Variants in SCUBE2 observed in about 807,000 individuals in gnomAD.
SCUBE2 encodes the protein signal peptide, CUB and EGF-like domain-containing protein 2.
Under a neutral mutation model 125.9 loss-of-function variants are expected in SCUBE2, and 114 were observed. The ratio of observed to expected loss-of-function variants is 0.91; its 90% confidence interval spans 0.78 to 1.06. SCUBE2 has a LOEUF of 1.06. Among genes scored for constraint, SCUBE2 ranks in the 50% least tolerant of loss-of-function variants. The probability of loss-of-function intolerance (pLI) is 0.00; values close to 1 mark genes in which losing one functional copy is unlikely to be tolerated. For synonymous variants in SCUBE2, 459 were observed against 492.9 expected (o/e 0.93, Z 0.91); for missense variants, 1,255 against 1,301.8 (o/e 0.96, Z 0.55).
At chr11:9,053,990 C>CTTTT (rs11474890) in intron 10 of SCUBE2, among the ~76,000 whole-genome samples, 13 of 75,052 alleles carry the variant, frequency 1.7e-4, no homozygotes, top group African/African-American at 5.6e-4. Flanking sequence ...AAGCTCCACT[C>CTTTT]TTTTTTTTTT....
chr11:9,043,731 A>G (rs768622390), intron 16 of SCUBE2, among the ~76,000 whole-genome samples: 5 of 152,222 alleles, frequency 3.3e-5, no homozygotes, highest in Non-Finnish European at 5.9e-5. Flanking sequence ...CAGAAGAAGG[A>G]ATCCAAATGA....
At chr11:9,029,501 G>GC (rs1390644849) in intron 19 of SCUBE2, among the ~76,000 whole-genome samples, 1 of 152,194 alleles carries the variant, frequency 6.6e-6, no homozygotes, top group Non-Finnish European at 1.5e-5. Context: ...CTCACTGCCT[G>GC]AGCTCCTTGC....
At chr11:9,030,257 G>A in intron 18 of SCUBE2, 1 of 589,436 alleles carries the variant, frequency 1.7e-6, no homozygotes, top group East Asian at 2.9e-5. Flanking sequence ...AACAAGATAT[G>A]TGTGTATCTC....
Position 9,027,401 on chromosome 11 carries a change from C to A in SCUBE2, c.2664G>T (p.Glu888Asp). 6.2e-7 allele frequency: 1 copy of A among 1,614,042 alleles called. No homozygotes were observed. Among genetic ancestry groups the A allele is most frequent in the Non-Finnish European group, 8.5e-7 (1 of 1,180,012 alleles). Residue 888 changes from glutamate (E) to aspartate (D), a missense_variant, in exon 20 of 23, where the codon GAG becomes GAT. By Grantham distance (45) the Glu-to-Asp change is conservative. Coordinates refer to ENST00000649792, the MANE Select transcript of SCUBE2 (RefSeq NM_001367977.2). ...TCACCAGATAGTCCCCACAGTCGTC[C>A]TCTATGGGCAGGAAGATCTCAGGGA... is the stretch of plus-strand genomic sequence containing the variant. ...IVVPEIFLPIEDDCGDYLVMR... is the reference protein window; with the variant it reads ...IVVPEIFLPIDDDCGDYLVMR...
chr11:9,025,642 C>T lies in SCUBE2; in HGVS notation c.2854+60G>A, dbSNP rs1855660162. ...CTTGTCAGCAGTTTGCCAGCTGGCT[C>T]CGAAGTTGGCTCTGTTCAAAGCAGA... On this transcript the variant is annotated intron_variant, in intron 21 of 22. Coordinates refer to ENST00000649792, the MANE Select transcript of SCUBE2 (RefSeq NM_001367977.2). 5 of 1,572,674 alleles carry T rather than the reference C, an allele frequency of 3.2e-6. No individual in the cohort carries two copies. The East Asian group carries it at 1.1e-4, about 36-fold the overall frequency.
At chr11:9,075,770 C>T (rs968536631) in intron 3 of SCUBE2, among the ~76,000 whole-genome samples, 7 of 152,210 alleles carry the variant, frequency 4.6e-5, no homozygotes, top group East Asian at 3.8e-4. Context: ...GCGCTAGTGG[C>T]GACAGCACTG....
In SCUBE2 at chr11:9,045,602, GACAGACAGAC is replaced by G. The variant is rs58950627; in HGVS notation, c.2002+1744_2002+1753del. Among the ~76,000 whole-genome samples the G allele has an allele frequency of 8.4e-3, 633 of 75,410 alleles. 2 individuals are homozygous for G. Among genetic ancestry groups the G allele is most frequent in the Middle Eastern group, 0.01 (2 of 196 alleles). The allele number at this position is 75,410 out of a possible 152,430, so 49.5% of individuals were successfully genotyped here. A position where few individuals can be genotyped will look rare whatever the true frequency, so the allele number is the denominator to read the frequency against. ...TCAAATAGACCAGGACTAGAAGACA[GACAGACAGAC>G]ACACACACACACACACACACACACA... On this transcript the variant is annotated intron_variant, in intron 16 of 22. Coordinates refer to ENST00000649792, the MANE Select transcript of SCUBE2 (RefSeq NM_001367977.2).
At chr11:9,057,508 T>G (rs1859193225) in intron 9 of SCUBE2, 1 of 151,068 alleles carries the variant, frequency 6.6e-6, no homozygotes, top group African/African-American at 2.4e-5. Flanking sequence ...TGATTTTTAT[T>G]TAATTCTGAT....
In SCUBE2 at chr11:9,021,871, C is replaced by A. The variant is rs1855321921; in HGVS notation, c.2934+5G>T. On this transcript the variant is annotated splice_donor_5th_base_variant and intron_variant, in intron 22 of 22. Coordinates refer to ENST00000649792, the MANE Select transcript of SCUBE2 (RefSeq NM_001367977.2). ...CTGCCATGTCCACCTGAGCCAGGCA[C>A]TCACCTTAAGTATTTCCTGATGGTT... 1 of 1,610,128 alleles carries A rather than the reference C, an allele frequency of 6.2e-7. No individual in the cohort carries two copies. Among genetic ancestry groups the A allele is most frequent in the Admixed American group, 1.7e-5 (1 of 60,000 alleles).
chr11:9,060,621 T>C, intron 7 of SCUBE2, 97 bp from the exon 8 acceptor site: 6 of 945,980 alleles, frequency 6.3e-6, no homozygotes, highest in Non-Finnish European at 1.0e-5. Context: ...GGGGTACTCA[T>C]GGTCATACCC....
chr11:9,070,149 CAGAGAG>C (rs1161350287), intron 4 of SCUBE2, among the ~76,000 whole-genome samples: 1 of 139,828 alleles, frequency 7.2e-6, no homozygotes, highest in African/African-American at 3.3e-5. Context: ...AGAGAAGAGA[CAGAGAG>C]AGAGAGAAGA....
At chr11:9,079,951 A>C (rs1244542832) in intron 2 of SCUBE2, among the ~76,000 whole-genome samples, 8 of 152,258 alleles carry the variant, frequency 5.3e-5, no homozygotes. Flanking sequence ...AGAACTTGAC[A>C]AGCTTATTGT....
In SCUBE2 at chr11:9,030,921, C is replaced by G. The variant is rs546015058; in HGVS notation, c.2178G>C (p.Leu726=). The change falls in exon 18 of 23, where the codon CTG becomes CTC. Residue 726 remains leucine (L), a synonymous_variant. Transcript: ENST00000649792. ...CTGCAGAATATTCACCAGGTTGACACAGACCTGGAAGGACCAATAGCCTTA... is the reference window on the plus strand; with the variant it reads ...CTGCAGAATATTCACCAGGTTGACAGAGACCTGGAAGGACCAATAGCCTTA... The part of the protein sequence containing the change: ...EAWNMSECGG[L]CQPGEYSADG... 3 of 1,613,480 alleles carry G rather than the reference C, an allele frequency of 1.9e-6. No individual in the cohort carries two copies. The East Asian group carries it at 6.7e-5, about 36-fold the overall frequency.
intron 5 of SCUBE2, among the ~76,000 whole-genome samples, 187 bp downstream of exon 5, chr11:9,069,183 T>C (rs1860535349): frequency 6.6e-6 from 1 of 152,222 alleles, no homozygotes; most frequent in Admixed American, 6.5e-5. Flanking sequence ...AAAATATCAT[T>C]TCCCTTCCCT....
chr11:9,033,887 C>G (rs1856533890), intron 16 of SCUBE2, 91 bp from the exon 17 acceptor site: 1 of 1,279,956 alleles, frequency 7.8e-7, no homozygotes, highest in African/African-American at 1.5e-5. Flanking sequence ...ATAGATGGCA[C>G]TGACCACACC....
intron 3 of SCUBE2, among the ~76,000 whole-genome samples, chr11:9,076,864 AC>A (rs1179152447): frequency 6.6e-6 from 1 of 152,160 alleles, no homozygotes; most frequent in African/African-American, 2.4e-5. Flanking sequence ...TGAAGGAAGC[AC>A]ATTCCAGAGG....
Position 9,048,101 on chromosome 11 carries a change from G to C in SCUBE2, c.1640-3C>G. The C allele has an allele frequency of 6.3e-7, 1 of 1,598,398 alleles. No homozygotes were observed. Among genetic ancestry groups the C allele is most frequent in the Non-Finnish European group, 8.5e-7 (1 of 1,172,648 alleles). On this transcript the variant is annotated splice_polypyrimidine_tract_variant and splice_region_variant and intron_variant, in intron 14 of 22. Transcript: ENST00000649792. ...CTCTTTTACTGAGCTGTGCTTCTCT[G>C]TATGAAGAAACAAAATTATCGGAAG...
rs1338812253 is a variant in SCUBE2 at position 9,057,581 on chromosome 11, T to C, written c.1091-1672A>G. 2.0e-5 allele frequency: 3 copies of C among 149,042 alleles called. No individual in the cohort carries two copies. In the East Asian group the frequency reaches 6.0e-4, roughly 30 times the overall value. The allele number at this position is 149,042 out of a possible 1,614,324, so 9.2% of individuals were successfully genotyped here. On this transcript the variant is annotated intron_variant, in intron 9 of 22. Coordinates refer to ENST00000649792, the MANE Select transcript of SCUBE2 (RefSeq NM_001367977.2). ...TCCCCCAGGCTGGAGTGCGTGGGCA[T>C]GATCTCGACTTACTGCAACCTCTGC...
intron 2 of SCUBE2, among the ~76,000 whole-genome samples, chr11:9,083,177 G>T (rs138744482): frequency 1.2e-3 from 189 of 151,960 alleles, no homozygotes; most frequent in Middle Eastern, 6.8e-3. Flanking sequence ...TAAGGGAAAT[G>T]CATGGAAGGA....
Sources: allele counts gnomAD v4.1 joint callset (sites outside exome capture counted in the v4.1 genomes callset), GRCh38; gene constraint gnomAD v4.1.1; transcripts MANE v1.5; gene names NCBI Gene and HGNC (gene_info 2026-07-23, HGNC 2026-07-21).